The following G2E3 variants were observed in gnomAD, a reference collection of about 807,000 sequenced individuals.
G2E3 encodes G2/M-phase specific E3 ubiquitin protein ligase, also known as G2/M phase-specific E3 ubiquitin-protein ligase.
G2E3 carries 35 observed loss-of-function variants against 92.8 expected under a neutral mutation model. That is an observed-to-expected ratio of 0.38 (90% confidence interval 0.29 to 0.50). G2E3 has a LOEUF of 0.50. Ranked by LOEUF, G2E3 falls within the 20% of genes least tolerant of loss-of-function variation. The pLI is 0.94. For missense variants in G2E3, 554 were observed against 823.8 expected (o/e 0.67, Z 4.01); for synonymous variants, 242 against 272.4 (o/e 0.89, Z 1.10).
intron 4 of G2E3, among the ~76,000 whole-genome samples, chr14:30,591,990 A>G (rs1420872078): frequency 3.3e-5 from 5 of 152,126 alleles, no homozygotes; most frequent in East Asian, 1.9e-4. Context: ...TGAGATTTCA[A>G]TGAGGTGTTT....
chr14:30,586,580 T>A, intron 2 of G2E3, 138 bp from the exon 3 acceptor site: 1 of 392,586 alleles, frequency 2.5e-6, no homozygotes, highest in Non-Finnish European at 4.6e-6. Flanking sequence ...ATTGGAAATT[T>A]TAAGTTACTG....
chr14:30,588,032 C>G (rs917946597), intron 3 of G2E3, among the ~76,000 whole-genome samples: 1 of 152,188 alleles, frequency 6.6e-6, no homozygotes, highest in African/African-American at 2.4e-5. Context: ...CCTTGGTCCT[C>G]TAAGACTACA....
intron 10 of G2E3, 105 bp from the exon 11 acceptor site, chr14:30,605,400 A>G: frequency 2.0e-6 from 1 of 497,840 alleles, no homozygotes; most frequent in East Asian, 3.2e-5. Context: ...AGAATATCCT[A>G]TTAATCTTTT....
intron 1 of G2E3, among the ~76,000 whole-genome samples, chr14:30,576,575 A>G (rs537522717): frequency 2.0e-4 from 30 of 152,336 alleles, no homozygotes; most frequent in African/African-American, 5.8e-4. Context: ...CCAACAGAGT[A>G]AACAGACAAC....
In G2E3 at chr14:30,586,785, A is replaced by G; in HGVS notation, c.105A>G (p.Lys35=). Residue 35 remains lysine, a synonymous_variant, in exon 3 of 15, where the codon AAA becomes AAG. Coordinates refer to ENST00000206595, the MANE Select transcript of G2E3 (RefSeq NM_017769.5). ...NKYGEKKTKE[K]WNLTVHYYCL... is the part of the protein sequence containing the mutation. Reference sequence around the variant, plus strand: ...ACGGAGAAAAGAAAACTAAGGAGAAATGGAATCTCACTGTACATTACTACT... The same window carrying G: ...ACGGAGAAAAGAAAACTAAGGAGAAGTGGAATCTCACTGTACATTACTACT... 7.1e-7 allele frequency: 1 copy of G among 1,400,748 alleles called. No individual in the cohort carries two copies. The highest frequency in any genetic ancestry group is 9.8e-7 in the Non-Finnish European group (1 of 1,018,934). The allele number at this position is 1,400,748 out of a possible 1,614,324, so 86.8% of individuals were successfully genotyped here. A position where few individuals can be genotyped will look rare whatever the true frequency, so the allele number is the denominator to read the frequency against.
intron 1 of G2E3, among the ~76,000 whole-genome samples, chr14:30,568,626 A>G (rs948600773): frequency 1.3e-5 from 2 of 152,090 alleles, no homozygotes; most frequent in Non-Finnish European, 2.9e-5. Flanking sequence ...ATAACAACCT[A>G]GTTTGAATTA....
At chr14:30,592,122 T>C (rs530564122) in intron 4 of G2E3, among the ~76,000 whole-genome samples, 3 of 152,300 alleles carry the variant, frequency 2.0e-5, no homozygotes, top group Non-Finnish European at 2.9e-5. Flanking sequence ...GAAATTGTTA[T>C]AGGAGTGAAT....
At chr14:30,590,853 A>G (rs45502891) in intron 4 of G2E3, 14,891 of 388,672 alleles carry the variant, frequency 0.038, 372 homozygotes, top group South Asian at 0.053. Context: ...ATGGTTTGGA[A>G]CTACAGATTG....
Position 30,619,504 on chromosome 14 carries a change from A to G in G2E3, c.*2970A>G, listed in dbSNP as rs1367259738. 2 of 152,148 alleles carry G rather than the reference A, an allele frequency of 1.3e-5. No homozygotes were observed. The highest frequency in any genetic ancestry group is 4.8e-5 in the African/African-American group (2 of 41,454). 9.4% of individuals were successfully genotyped at this position (152,148 alleles called of 1,614,324 possible). ...AAAATAAGCTATTAAACTAGTTTTTATGGTTCAAGTAATGCAATACAAAGT... is the reference window on the plus strand; with the variant it reads ...AAAATAAGCTATTAAACTAGTTTTTGTGGTTCAAGTAATGCAATACAAAGT... On this transcript the variant is annotated 3_prime_UTR_variant, in exon 15 of 15. Coordinates refer to ENST00000206595, the MANE Select transcript of G2E3 (RefSeq NM_017769.5).
intron 3 of G2E3, 117 bp from the exon 4 acceptor site, chr14:30,589,263 ACTT>A: frequency 1.6e-6 from 1 of 610,936 alleles, no homozygotes; most frequent in Non-Finnish European, 2.9e-6. Flanking sequence ...ATAGATAACT[ACTT>A]GAAATTTGAG....
At chr14:30,610,753 T>A (rs1882051164) in intron 12 of G2E3, among the ~76,000 whole-genome samples, 1 of 152,200 alleles carries the variant, frequency 6.6e-6, no homozygotes, top group Non-Finnish European at 1.5e-5. Context: ...ACAAGGCAGA[T>A]GTTTACTGTT....
intron 2 of G2E3, among the ~76,000 whole-genome samples, chr14:30,583,114 A>G (rs1254834192): frequency 6.6e-6 from 1 of 152,182 alleles, no homozygotes; most frequent in East Asian, 1.9e-4. Context: ...TTTCTGCGGT[A>G]TGCAATCATT....
chr14:30,604,785 T>A (rs543965483), intron 10 of G2E3, among the ~76,000 whole-genome samples: 1 of 152,312 alleles, frequency 6.6e-6, no homozygotes, highest in East Asian at 1.9e-4. Context: ...TTGCTTTTTT[T>A]AAAAAAGGAC....
In G2E3 at chr14:30,611,691, T is replaced by C. The variant is rs368040561; in HGVS notation, c.1501-516T>C. The C allele has an allele frequency of 9.2e-5, 14 of 152,236 alleles. 1 individual carries two copies. Among genetic ancestry groups the C allele is most frequent in the African/African-American group, 3.4e-4 (14 of 41,546 alleles). The allele number at this position is 152,236 out of a possible 1,614,324, so 9.4% of individuals were successfully genotyped here. A position where few individuals can be genotyped will look rare whatever the true frequency, so the allele number is the denominator to read the frequency against. ...TTCTTTTTAAGAGATAAGGTCTCAGTCTGTCACCCAGGCTGGAGTACATTG... is the reference window on the plus strand; with the variant it reads ...TTCTTTTTAAGAGATAAGGTCTCAGCCTGTCACCCAGGCTGGAGTACATTG... On this transcript the variant is annotated intron_variant, in intron 12 of 14. Transcript: ENST00000206595.
rs766965461 is a variant in G2E3, at chr14:30,605,519, T to C, written c.1025T>C (p.Phe342Ser). 7.3e-7 allele frequency: 1 copy of C among 1,367,406 alleles called. No individual in the cohort carries two copies. 84.7% of individuals were successfully genotyped at this position (1,367,406 alleles called of 1,614,324 possible). ...ATGTTTTATAGGCAAGGCAGCAAATTTAGAAGAAATGTATCAACACTATTA... is the reference window on the plus strand; with the variant it reads ...ATGTTTTATAGGCAAGGCAGCAAATCTAGAAGAAATGTATCAACACTATTA... ...SKDLLRQGSK[F>S]RRNVSTLLIE... The change falls in exon 11 of 15, where the codon TTT (phenylalanine) becomes TCT (serine). Residue 342 changes from phenylalanine to serine, a missense_variant. This residue lies in a region of G2E3 where 397 missense variants were observed against 560.3 expected (regional missense o/e 0.71). Transcript: ENST00000206595.
intron 10 of G2E3, among the ~76,000 whole-genome samples, chr14:30,603,868 TAGA>T (rs1881698566): frequency 6.6e-6 from 1 of 152,150 alleles, no homozygotes; most frequent in Admixed American, 6.5e-5. Context: ...TTTAAAACCT[TAGA>T]AGATAGTAAA....
chr14:30,592,868 C>T (rs1438533135), intron 5 of G2E3, among the ~76,000 whole-genome samples: 1 of 151,928 alleles, frequency 6.6e-6, no homozygotes, highest in Non-Finnish European at 1.5e-5. Flanking sequence ...AATATTATGC[C>T]CTAGGATACC....
At chr14:30,573,191 GA>G (rs985273061) in intron 1 of G2E3, among the ~76,000 whole-genome samples, 16 of 150,906 alleles carry the variant, frequency 1.1e-4, no homozygotes, top group East Asian at 3.9e-4. Flanking sequence ...ATTGATTCAT[GA>G]AAAAAAAATT....
intron 1 of G2E3, among the ~76,000 whole-genome samples, chr14:30,563,692 CTTTTGT>C (rs1463793655): frequency 7.1e-5 from 8 of 113,068 alleles, no homozygotes; most frequent in African/African-American, 2.7e-4. Flanking sequence ...AACTTTGTTA[CTTTTGT>C]GTGTGTGTGT....
Sources: gnomAD v4.1 joint callset for allele counts (sites outside exome capture counted in the v4.1 genomes callset) on GRCh38, gnomAD v4.1.1 for gene constraint, gnomAD v4.1.1 regional missense constraint, MANE v1.5 for transcripts, NCBI Gene and HGNC (gene_info 2026-07-23, HGNC 2026-07-21) for gene names.